FAM81A: variants seen among roughly 807,000 people sequenced by gnomAD.
The protein encoded by FAM81A is protein FAM81A.
A neutral mutation model predicts 46.7 loss-of-function variants in FAM81A; 19 were observed. The ratio of observed to expected loss-of-function variants is 0.41; its 90% CI spans 0.28 to 0.60. FAM81A has a LOEUF of 0.60. FAM81A is among the 20% of genes least tolerant of loss of function. The pLI is 0.34. For synonymous variants in FAM81A, 183 were observed against 152.9 expected, an observed-to-expected ratio of 1.20 and a Z score of -1.45; for missense variants, 377 against 453.5, an observed-to-expected ratio of 0.83 and a Z score of 1.53.
At chr15:59,419,609 C>A (rs953888662) in intron 2 of FAM81A, among the ~76,000 whole-genome samples, 8 of 152,122 alleles carry the variant, frequency 5.3e-5, no homozygotes, top group Non-Finnish European at 8.8e-5. Flanking sequence ...CACGGTGGCT[C>A]AAGCTTGTAA....
intron 2 of FAM81A, among the ~76,000 whole-genome samples, chr15:59,409,417 C>T (rs1281436571): frequency 1.3e-5 from 2 of 152,176 alleles, no homozygotes; most frequent in African/African-American, 4.8e-5. Flanking sequence ...AACAATACCC[C>T]CTACTTCATG....
intron 2 of FAM81A, among the ~76,000 whole-genome samples, chr15:59,404,594 C>T (rs769241813): frequency 6.6e-5 from 10 of 152,138 alleles, no homozygotes; most frequent in South Asian, 2.1e-4. Flanking sequence ...CTGATTGAGA[C>T]GACACATATG....
At chr15:59,489,502 A>T (rs1005992217) in intron 3 of FAM81A, among the ~76,000 whole-genome samples, 1 of 152,168 alleles carries the variant, frequency 6.6e-6, no homozygotes, top group African/African-American at 2.4e-5. Context: ...TACAAATTCA[A>T]TGCAATCCCT....
intron 3 of FAM81A, among the ~76,000 whole-genome samples, chr15:59,474,728 TGAG>T (rs2081743829): frequency 6.6e-6 from 1 of 152,178 alleles, no homozygotes; most frequent in South Asian, 2.1e-4. Flanking sequence ...GAAGAGACTA[TGAG>T]GTTATCAATG....
At chr15:59,449,357 T>G (rs2081387978) in intron 1 of FAM81A, among the ~76,000 whole-genome samples, 2 of 152,218 alleles carry the variant, frequency 1.3e-5, no homozygotes, top group African/African-American at 4.8e-5. Context: ...AAGCCCCAAG[T>G]ATTTTACCTA....
In FAM81A at chr15:59,410,303, A is replaced by AAAG. The variant is rs112289194; in HGVS notation, c.-78+7960_-78+7962dup. 2.0e-5 allele frequency among the ~76,000 whole-genome samples: 3 copies of AAAG among 152,322 alleles called. 1 individual carries two copies. The highest frequency in any genetic ancestry group is 7.2e-5 in the African/African-American group (3 of 41,564). On this transcript the variant is annotated intron_variant, in intron 2 of 4. Transcript: ENST00000558348. The stretch of plus-strand genomic sequence containing the variant: ...AAGAGCGAAACTCCATGTCCAAAAA[A>AAAG]AAGAAGAAGAAGAAGAAATTACTAG...
intron 1 of FAM81A, among the ~76,000 whole-genome samples, chr15:59,446,959 T>A (rs971951836): frequency 6.6e-6 from 1 of 152,250 alleles, no homozygotes. Flanking sequence ...CAATTTATGC[T>A]TTTTGTTGTT....
chr15:59,433,045 G>A (rs2081227566), intron 2 of FAM81A, among the ~76,000 whole-genome samples: 1 of 150,212 alleles, frequency 6.7e-6, no homozygotes, highest in Non-Finnish European at 1.5e-5. Flanking sequence ...GGGAGGCTGA[G>A]GCAGGAGAAT....
At chr15:59,497,652 T>C (rs544767922) in intron 4 of FAM81A, among the ~76,000 whole-genome samples, 2 of 139,526 alleles carry the variant, frequency 1.4e-5, no homozygotes, top group East Asian at 3.9e-4. Flanking sequence ...GGCCAGGAGT[T>C]TGAGGCCAGG....
chr15:59,421,725 G>C (rs62015022), intron 2 of FAM81A, among the ~76,000 whole-genome samples: 1 of 137,312 alleles, frequency 7.3e-6, no homozygotes, highest in African/African-American at 3.0e-5. Context: ...CTGTCTGTCT[G>C]TCTGTCTATC....
At chr15:59,403,660 G>C (rs988020690) in intron 2 of FAM81A, among the ~76,000 whole-genome samples, 5 of 152,130 alleles carry the variant, frequency 3.3e-5, no homozygotes, top group East Asian at 3.9e-4. Flanking sequence ...GCCTTACCTA[G>C]GGTCTTCTTT....
rs548127901 is a variant in FAM81A, at chr15:59,420,571, C to T, written c.-78+18213C>T. Reference sequence around the variant, plus strand: ...TCAGCCTAGAGAGAATTTTTCCTTTCGTTTCTTCATTTTTATCACATTTCT... The same window carrying T: ...TCAGCCTAGAGAGAATTTTTCCTTTTGTTTCTTCATTTTTATCACATTTCT... On this transcript the variant is annotated intron_variant, in intron 2 of 4. Coordinates refer to the FAM81A transcript ENST00000558348. Among the ~76,000 whole-genome samples, 25 of 152,234 alleles carry T rather than the reference C, an allele frequency of 1.6e-4. No individual in the cohort carries two copies. The South Asian group carries it at 5.2e-3, about 32-fold the overall frequency.
In FAM81A at chr15:59,426,793, C is replaced by A. The variant is rs117940556; in HGVS notation, c.-78+24435C>A. On this transcript the variant is annotated intron_variant, in intron 2 of 4. Transcript: ENST00000558348. ...ATACCTCTGCCACATACACTTCCCC[C>A]CTAAGCTTCTCAATAGAGTGACATA... 5.2e-3 allele frequency among the ~76,000 whole-genome samples: 796 copies of A among 152,340 alleles called. 6 individuals carry two copies. The highest frequency in any genetic ancestry group is 5.8e-3 in the Non-Finnish European group (396 of 68,026).
rs2082160183 is a variant in FAM81A, at chr15:59,507,329, A to G, written c.530A>G (p.Asp177Gly). 1 of 1,612,400 alleles carries G rather than the reference A, an allele frequency of 6.2e-7. No homozygotes were observed. Among genetic ancestry groups the G allele is most frequent in the Non-Finnish European group, 8.5e-7 (1 of 1,179,182 alleles). ...CTTATCTTGGAAACGAAAATCAAAG[A>G]TGCAGAGGGACAGGTACGACCTGTT... The part of the protein sequence containing the change: ...AKLILETKIK[D>G]AEGQISQLLN... The change falls in exon 5 of 9, where the codon GAT (aspartate) becomes GGT (glycine). Residue 177 changes from aspartate (D) to glycine (G), a missense_variant. Physicochemically the swap from Asp to Gly is moderately conservative, Grantham distance 94. Transcript: ENST00000288228.
chr15:59,427,657 G>C lies in FAM81A; in HGVS notation c.-78+25299G>C, dbSNP rs766610437. On this transcript the variant is annotated intron_variant, in intron 2 of 4. Coordinates refer to the FAM81A transcript ENST00000558348. ...CCACAAATGAGTGAGAACATGCAAA[G>C]TTTGTCTTTCTGTGCCTGTTTTATT... Among the ~76,000 whole-genome samples the C allele has an allele frequency of 4.0e-4, 61 of 152,258 alleles. 1 individual carries two copies. The highest frequency in any genetic ancestry group is 3.4e-3 in the Middle Eastern group (1 of 294).
intron 4 of FAM81A, among the ~76,000 whole-genome samples, chr15:59,492,686 T>C (rs1435564199): frequency 6.6e-6 from 1 of 152,174 alleles, no homozygotes; most frequent in Non-Finnish European, 1.5e-5. Flanking sequence ...AATCCGAAAA[T>C]ATAAAGTTGA....
intron 6 of FAM81A, among the ~76,000 whole-genome samples, chr15:59,510,101 C>T (rs1301938046): frequency 3.3e-5 from 5 of 152,182 alleles, no homozygotes; most frequent in Non-Finnish European, 5.9e-5. Context: ...TGCAGTGGCT[C>T]ATGCCTATAA....
intron 1 of FAM81A, among the ~76,000 whole-genome samples, chr15:59,440,440 TAAAC>T (rs1466250729): frequency 1.3e-5 from 2 of 152,124 alleles, no homozygotes; most frequent in African/African-American, 4.8e-5. Flanking sequence ...AAAAAAGGGA[TAAAC>T]AAACAAAAAA....
chr15:59,425,408 T>G (rs2081190832), intron 2 of FAM81A, among the ~76,000 whole-genome samples: 1 of 152,220 alleles, frequency 6.6e-6, no homozygotes, highest in Non-Finnish European at 1.5e-5. Flanking sequence ...GTTCAGCAGA[T>G]AATTATTTTA....
Sources: gnomAD v4.1 joint callset for allele counts (sites outside exome capture counted in the v4.1 genomes callset) on GRCh38, gnomAD v4.1.1 for gene constraint, MANE v1.5 for transcripts, NCBI Gene and HGNC (gene_info 2026-07-23, HGNC 2026-07-21) for gene names.